TGFBR3L: variants seen among roughly 807,000 people sequenced by gnomAD.
TGFBR3L encodes transforming growth factor-beta receptor type 3-like protein.
Under a neutral mutation model 20.4 loss-of-function variants are expected in TGFBR3L, and 21 were observed. The ratio of observed to expected loss-of-function variants is 1.03; its 90% CI spans 0.73 to 1.48. The LOEUF is 1.48. Ranked by LOEUF, TGFBR3L falls within the 40% of genes most tolerant of loss-of-function variation. The pLI is 0.00. For synonymous variants in TGFBR3L, 245 were observed against 244.2 expected (o/e 1.00, Z -0.03); for missense variants, 479 against 498.0 (o/e 0.96, Z 0.36).
chr19:7,917,905 C>G, intron 4 of TGFBR3L, 46 bp downstream of exon 5: 1 of 1,379,848 alleles, frequency 7.2e-7, no homozygotes, highest in Non-Finnish European at 9.3e-7. Context: ...TAATCCCGCG[C>G]GTCGGGACCC....
chr19:7,916,496 C>G lies in TGFBR3L; in HGVS notation c.229C>G (p.Arg77Gly), dbSNP rs769596311. The G allele has an allele frequency of 9.9e-6, 15 of 1,519,906 alleles. No individual in the cohort carries two copies. The highest frequency in any genetic ancestry group is 1.3e-5 in the Non-Finnish European group (15 of 1,136,360). The allele number at this position is 1,519,906 out of a possible 1,614,324, so 94.2% of individuals were successfully genotyped here. A position where few individuals can be genotyped will look rare whatever the true frequency, so the allele number is the denominator to read the frequency against. ...CGACACAGAGGACGTCTTTCCTCGC[C>G]GCGCGGGGCCGCTCGAGGTCCCGGC... The change falls in exon 1 of 6, where the codon CGC becomes GGC. Residue 77 changes from arginine (R) to glycine (G), a missense_variant. Physicochemically the swap from Arg to Gly is moderately radical, Grantham distance 125 (BLOSUM62 -2). Coordinates refer to ENST00000565886, the MANE Select transcript of TGFBR3L (RefSeq NM_001195259.2).
chr19:7,916,762 G>T lies in TGFBR3L; in HGVS notation c.417G>T (p.Pro139=). ...CCGCCGACACCTCTGTCGCCTTCCC[G>T]CCACCGCCGCCGCCGAGCCCGGGTG... is the stretch of plus-strand genomic sequence containing the variant. Residue 139 remains proline (P), a synonymous_variant, in exon 2 of 6, where the codon CCG becomes CCT. Coordinates refer to ENST00000565886, the MANE Select transcript of TGFBR3L (RefSeq NM_001195259.2). The T allele has an allele frequency of 6.7e-7, 1 of 1,488,142 alleles. No homozygotes were observed. The highest frequency in any genetic ancestry group is 1.5e-5 in the African/African-American group (1 of 68,726). 92.2% of individuals were successfully genotyped at this position (1,488,142 alleles called of 1,614,324 possible). A position where few individuals can be genotyped will look rare whatever the true frequency, so the allele number is the denominator to read the frequency against.
Position 7,916,931 on chromosome 19 carries a change from C to T in TGFBR3L, c.586C>T (p.Pro196Ser). 1 of 1,292,732 alleles carries T rather than the reference C, an allele frequency of 7.7e-7. No homozygotes were observed. Among genetic ancestry groups the T allele is most frequent in the Non-Finnish European group, 9.7e-7 (1 of 1,028,712 alleles). The allele number at this position is 1,292,732 out of a possible 1,614,324, so 80.1% of individuals were successfully genotyped here. Reference sequence around the variant, plus strand: ...GCCTCTGACGCCGCCGCCGCCGCCGCCGCCATCGCGGGTGCGCGGGCGCAG... The same window carrying T: ...GCCTCTGACGCCGCCGCCGCCGCCGTCGCCATCGCGGGTGCGCGGGCGCAG... Residue 196 changes from proline (P) to serine (S), a missense_variant, in exon 2 of 6, where the codon CCG (proline) becomes TCG (serine). By Grantham distance (74) the Pro-to-Ser change is moderately conservative (BLOSUM62 -1). Coordinates refer to ENST00000565886, the MANE Select transcript of TGFBR3L (RefSeq NM_001195259.2).
In TGFBR3L at chr19:7,915,068, C is replaced by T. The variant is rs575163299; in HGVS notation, c.-1200C>T. Among the ~76,000 whole-genome samples, 3 of 152,202 alleles carry T rather than the reference C, an allele frequency of 2.0e-5. No homozygotes were observed. Among genetic ancestry groups the T allele is most frequent in the Non-Finnish European group, 4.4e-5 (3 of 67,998 alleles). ...CCACTCACCGCAACCTCCGCCTCCCCGGTTCAAGTGATTCTCCTGCCTCAG... is the reference window on the plus strand; with the variant it reads ...CCACTCACCGCAACCTCCGCCTCCCTGGTTCAAGTGATTCTCCTGCCTCAG... On this transcript the variant is annotated 5_prime_UTR_variant, in exon 1 of 6. Coordinates refer to ENST00000565886, the MANE Select transcript of TGFBR3L (RefSeq NM_001195259.2).
intron 5 of TGFBR3L, chr19:7,918,605 A>C: frequency 3.4e-6 from 1 of 298,126 alleles, no homozygotes; most frequent in Non-Finnish European, 6.1e-6. Flanking sequence ...GGCGGACACT[A>C]TTATAATCCC....
rs753723485 is a variant in TGFBR3L at position 7,919,092 on chromosome 19, G to C, written c.*181G>C. 1.0e-5 allele frequency: 4 copies of C among 398,674 alleles called. No individual in the cohort carries two copies. The highest frequency in any genetic ancestry group is 7.1e-5 in the East Asian group (2 of 28,092). 24.7% of individuals were successfully genotyped at this position (398,674 alleles called of 1,614,324 possible). On this transcript the variant is annotated 3_prime_UTR_variant, in exon 6 of 6. Transcript: ENST00000565886. ...CTCAAAATAAACCTCTGGACTGACC[G>C]GCTAAGTTCTGGTGCAGTCAGTGAG...
In TGFBR3L at chr19:7,916,321, G is replaced by A. The variant is rs1181302074; in HGVS notation, c.54G>A (p.Gly18=). 12 of 1,535,598 alleles carry A rather than the reference G, an allele frequency of 7.8e-6. No homozygotes were observed. The highest frequency in any genetic ancestry group is 1.0e-5 in the Non-Finnish European group (12 of 1,146,740). The change falls in exon 1 of 6, where the codon GGG becomes GGA. Residue 18 remains glycine (G), a synonymous_variant. Coordinates refer to ENST00000565886, the MANE Select transcript of TGFBR3L (RefSeq NM_001195259.2). ...CCCTTTTCCAAAGGCGGCGGCGGGG[G>A]CGAGGTGGTCGGGTCACTTTTCCCG...
At chr19:7,917,408 G>A in intron 2 of TGFBR3L, 65 bp from the exon 4 acceptor site, 1 of 1,489,720 alleles carries the variant, frequency 6.7e-7, no homozygotes, top group Non-Finnish European at 8.9e-7. Context: ...GGGGGCCCTG[G>A]GGACCAGAGC....
intron 2 of TGFBR3L, 99 bp from the exon 4 acceptor site, chr19:7,917,374 G>A: frequency 3.5e-6 from 5 of 1,414,246 alleles, no homozygotes; most frequent in Non-Finnish European, 4.6e-6. Context: ...GGCTGTGGTG[G>A]AGAGCTGGAC....
intron 5 of TGFBR3L, chr19:7,918,546 G>T: frequency 3.5e-6 from 1 of 285,240 alleles, no homozygotes. Flanking sequence ...TCCAGGCACT[G>T]TTGTAAATGT....
Position 7,916,466 on chromosome 19 carries a change from C to T in TGFBR3L, c.199C>T (p.Leu67=), listed in dbSNP as rs1201871315. The stretch of plus-strand genomic sequence containing the variant: ...GCGCAGACCCCTCTTCAGCCTGAAG[C>T]TGTCCGACACAGAGGACGTCTTTCC... The change falls in exon 1 of 6, where the codon CTG becomes TTG. Residue 67 remains leucine, a synonymous_variant. Transcript: ENST00000565886. 6 of 1,532,584 alleles carry T rather than the reference C, an allele frequency of 3.9e-6. No homozygotes were observed. The East Asian group carries it at 1.5e-4, about 38-fold the overall frequency. The allele number at this position is 1,532,584 out of a possible 1,614,324, so 94.9% of individuals were successfully genotyped here.
chr19:7,915,821 G>A lies in TGFBR3L; in HGVS notation c.-447G>A, dbSNP rs1370185526. On this transcript the variant is annotated 5_prime_UTR_variant, in exon 1 of 6. Coordinates refer to ENST00000565886, the MANE Select transcript of TGFBR3L (RefSeq NM_001195259.2). The stretch of plus-strand genomic sequence containing the variant: ...ACCAGGACCCCGCTCAGCACCTGAA[G>A]GCAGACATCAGCGTGTGTTTAGGGG... 6.6e-6 allele frequency among the ~76,000 whole-genome samples: 1 copy of A among 152,234 alleles called. No individual in the cohort carries two copies. The highest frequency in any genetic ancestry group is 1.5e-5 in the Non-Finnish European group (1 of 68,038).
rs1199976636 is a variant in TGFBR3L at position 7,915,649 on chromosome 19, G to A, written c.-619G>A. On this transcript the variant is annotated 5_prime_UTR_variant, in exon 1 of 6. Coordinates refer to ENST00000565886, the MANE Select transcript of TGFBR3L (RefSeq NM_001195259.2). Reference sequence around the variant, plus strand: ...GCTACTCGAGAGGCTGAAGCAGGAGGATGGCTGGAGCCCAGGAGGTGGAGG... The same window carrying A: ...GCTACTCGAGAGGCTGAAGCAGGAGAATGGCTGGAGCCCAGGAGGTGGAGG... Among the ~76,000 whole-genome samples the A allele has an allele frequency of 6.6e-6, 1 of 152,194 alleles. No individual in the cohort carries two copies. The highest frequency in any genetic ancestry group is 1.9e-4 in the East Asian group (1 of 5,192).
rs942594393 is a variant in TGFBR3L at position 7,917,806 on chromosome 19, T to C, written c.830T>C (p.Phe277Ser). Residue 277 changes from phenylalanine (F) to serine (S), a missense_variant, in exon 4 of 6, where the codon TTC (phenylalanine) becomes TCC (serine). Phe to Ser is a radical substitution (Grantham distance 155). Coordinates refer to ENST00000565886, the MANE Select transcript of TGFBR3L (RefSeq NM_001195259.2). ...GTGGTGGCGCTGGTGTTGGCAGCCT[T>C]CGTGCTGGGCGCCGCGCTGGCCGCC... 2.8e-6 allele frequency: 4 copies of C among 1,424,798 alleles called. No individual in the cohort carries two copies. Among genetic ancestry groups the C allele is most frequent in the Non-Finnish European group, 3.6e-6 (4 of 1,097,038 alleles). The allele number at this position is 1,424,798 out of a possible 1,614,324, so 88.3% of individuals were successfully genotyped here.
In TGFBR3L at chr19:7,917,433, C is replaced by G. The variant is rs1983359882; in HGVS notation, c.598-40C>G. 5 of 1,515,396 alleles carry G rather than the reference C, an allele frequency of 3.3e-6. No individual in the cohort carries two copies. The Admixed American group carries it at 1.0e-4, about 31-fold the overall frequency. The allele number at this position is 1,515,396 out of a possible 1,614,324, so 93.9% of individuals were successfully genotyped here. ...GGGACCAGAGCCACGATCCCGGTGC[C>G]CTGATGTCCCCGTCTCTTCCCCACC... is the stretch of plus-strand genomic sequence containing the variant. On this transcript the variant is annotated intron_variant, in intron 2 of 5. Coordinates refer to ENST00000565886, the MANE Select transcript of TGFBR3L (RefSeq NM_001195259.2).
chr19:7,918,219 T>TTTTG (rs374138798), intron 5 of TGFBR3L, 90 bp downstream of exon 6: 17,016 of 1,249,010 alleles, frequency 0.014, 198 homozygotes, highest in East Asian at 0.053. Flanking sequence ...ACTGTGGTTT[T>TTTTG]TTTGTTTGTT....
chr19:7,918,180 C>G (rs1983404881), intron 5 of TGFBR3L, 51 bp downstream of exon 6: 2 of 1,498,222 alleles, frequency 1.3e-6, no homozygotes, highest in Non-Finnish European at 1.8e-6. Context: ...CTGACAGTGA[C>G]GCTTCCTAGC....
At chr19:7,918,470 AG>A (rs1983426109) in intron 5 of TGFBR3L, among the ~76,000 whole-genome samples, 1 of 152,192 alleles carries the variant, frequency 6.6e-6, no homozygotes, top group Non-Finnish European at 1.5e-5. Context: ...ACCCGACCTC[AG>A]GTGATCCTAC....
chr19:7,917,752 C>G lies in TGFBR3L; in HGVS notation c.776C>G (p.Pro259Arg). The G allele has an allele frequency of 7.0e-7, 1 of 1,435,144 alleles. No homozygotes were observed. The highest frequency in any genetic ancestry group is 1.4e-5 in the South Asian group (1 of 70,880). The allele number at this position is 1,435,144 out of a possible 1,614,324, so 88.9% of individuals were successfully genotyped here. ...GCAGTGCGCCCTGAGCCTCCCGCGC[C>G]GGCCCCCGCGGCCCTGGAACCCGCG... Residue 259 changes from proline to arginine, a missense_variant, in exon 4 of 6, where the codon CCG becomes CGG. Transcript: ENST00000565886.
Sources: gnomAD v4.1 joint callset for allele counts (sites outside exome capture counted in the v4.1 genomes callset) on GRCh38, gnomAD v4.1.1 for gene constraint, MANE v1.5 for transcripts, NCBI Gene and HGNC (gene_info 2026-07-23, HGNC 2026-07-21) for gene names.